The following TSPAN14 variants were observed in gnomAD, a reference collection of about 807,000 sequenced individuals.
TSPAN14 encodes tetraspanin 14.
In TSPAN14, 16 loss-of-function variants were observed where a neutral mutation model predicts 36.6. The observed-to-expected ratio is 0.44, with a 90% CI of 0.30 to 0.66. The LOEUF (loss-of-function observed/expected upper bound fraction) is 0.66, where lower values mean the gene tolerates loss of function less well. Among genes scored for constraint, TSPAN14 ranks in the 30% least tolerant of loss-of-function variants. The pLI is 0.12. For synonymous variants in TSPAN14, 139 were observed against 143.8 expected, an observed-to-expected ratio of 0.97 and a Z score of 0.24; for missense variants, 231 against 355.1, an observed-to-expected ratio of 0.65 and a Z score of 2.81.
chr10:80,478,880 A>G (rs751405242), intron 1 of TSPAN14, among the ~76,000 whole-genome samples: 1 of 152,168 alleles, frequency 6.6e-6, no homozygotes, highest in East Asian at 1.9e-4. Context: ...AAATTCCACA[A>G]TGGTTGAACT....
chr10:80,516,435 G>GAAAAAA, intron 8 of TSPAN14, 112 bp downstream of exon 8: 1 of 1,493,856 alleles, frequency 6.7e-7, no homozygotes, highest in South Asian at 1.3e-5. Flanking sequence ...GAAGCTTGCA[G>GAAAAAA]AAGAAAAAAA....
exon 9 of TSPAN14, chr10:80,517,965 C>T: frequency 1.9e-6 from 3 of 1,560,784 alleles, no homozygotes; most frequent in Non-Finnish European, 2.6e-6. Context: ...GAAGGCCGGC[C>T]ATCACTTCTG....
At chr10:80,516,385 A>C (rs1840943241) in intron 8 of TSPAN14, 62 bp downstream of exon 8, 1 of 1,610,242 alleles carries the variant, frequency 6.2e-7, no homozygotes, top group South Asian at 1.1e-5. Context: ...TTGGGCCCTT[A>C]ACATAGAGTG....
intron 1 of TSPAN14, among the ~76,000 whole-genome samples, chr10:80,473,818 T>TG (rs1846701613): frequency 6.6e-6 from 1 of 151,708 alleles, no homozygotes; most frequent in Non-Finnish European, 1.5e-5. Context: ...AATGAGGGAA[T>TG]GGGTCAGGGA....
chr10:80,459,878 G>A (rs1845893156), intron 1 of TSPAN14, among the ~76,000 whole-genome samples: 1 of 152,182 alleles, frequency 6.6e-6, no homozygotes, highest in South Asian at 2.1e-4. Context: ...CCCACCAGCT[G>A]TGCTGAGGGT....
chr10:80,481,184 T>G (rs2131994073), intron 1 of TSPAN14, among the ~76,000 whole-genome samples: 1 of 152,170 alleles, frequency 6.6e-6, no homozygotes, highest in Non-Finnish European at 1.5e-5. Flanking sequence ...TTGAAGAAAC[T>G]CGTGAAGGTG....
At chr10:80,492,583 G>A (rs555525583) in intron 2 of TSPAN14, among the ~76,000 whole-genome samples, 2 of 152,164 alleles carry the variant, frequency 1.3e-5, no homozygotes, top group East Asian at 1.9e-4. Flanking sequence ...TTGGGAGGCC[G>A]AGGCAGGCGG....
chr10:80,510,702 A>G lies in TSPAN14; in HGVS notation c.450+1231A>G, dbSNP rs187016338. Among the ~76,000 whole-genome samples the G allele has an allele frequency of 5.1e-4, 78 of 151,566 alleles. 1 individual carries two copies. The highest frequency in any genetic ancestry group is 1.7e-3 in the African/African-American group (69 of 41,270). On this transcript the variant is annotated intron_variant, in intron 5 of 8. Coordinates refer to ENST00000429989, the Ensembl canonical transcript of TSPAN14. ...ATCCTGGCTAACATGGTGAAACCCC[A>G]TCTCTACTAAAAATACAAAAAATTA... is the stretch of plus-strand genomic sequence containing the variant.
Position 80,509,369 on chromosome 10 carries a change from G to A in TSPAN14, c.348G>A (p.Gln116=). Reference sequence around the variant, plus strand: ...TGGCCGTGCTGGCCTTCCTGTTCCAGGACTGGGTGAGGGACCGGTTCCGGG... The same window carrying A: ...TGGCCGTGCTGGCCTTCCTGTTCCAAGACTGGGTGAGGGACCGGTTCCGGG... Residue 116 remains glutamine, a synonymous_variant, in exon 5 of 9, where the codon CAG becomes CAA. Coordinates refer to ENST00000429989, the Ensembl canonical transcript of TSPAN14. The surrounding 1 kb of genome is among the most constrained non-coding windows in gnomAD (Gnocchi z 4.7). The A allele has an allele frequency of 1.9e-6, 3 of 1,614,156 alleles. No individual in the cohort carries two copies. The highest frequency in any genetic ancestry group is 1.7e-6 in the Non-Finnish European group (2 of 1,180,032).
intron 4 of TSPAN14, among the ~76,000 whole-genome samples, chr10:80,508,133 T>TTTTTTTG (rs1554866118): frequency 2.0e-5 from 3 of 149,562 alleles, no homozygotes; most frequent in South Asian, 4.2e-4. Context: ...TTTTTTTTTT[T>TTTTTTTG]GATACCGAGT....
At chr10:80,467,944 T>C (rs1255125876) in intron 1 of TSPAN14, among the ~76,000 whole-genome samples, 4 of 152,234 alleles carry the variant, frequency 2.6e-5, no homozygotes, top group African/African-American at 9.6e-5. Flanking sequence ...CTTTTAATTT[T>C]ACCTCTTGCC....
intron 1 of TSPAN14, among the ~76,000 whole-genome samples, chr10:80,461,609 G>T (rs1845973035): frequency 6.6e-6 from 1 of 152,064 alleles, no homozygotes; most frequent in South Asian, 2.1e-4. Flanking sequence ...GGGGTGGGGC[G>T]GGCAGGTTTA....
intron 1 of TSPAN14, chr10:80,485,835 G>A: frequency 2.7e-6 from 1 of 365,290 alleles, no homozygotes; most frequent in Non-Finnish European, 3.8e-6. Context: ...TTGAGGATGG[G>A]GGAAAAAGTG....
intron 2 of TSPAN14, among the ~76,000 whole-genome samples, chr10:80,497,384 G>A (rs1486415970): frequency 6.6e-6 from 1 of 152,102 alleles, no homozygotes; most frequent in Non-Finnish European, 1.5e-5. Context: ...CTGGCCTTCC[G>A]CCTGTTTTTA....
chr10:80,486,070 CA>C (rs972446469), intron 1 of TSPAN14, among the ~76,000 whole-genome samples: 25 of 152,228 alleles, frequency 1.6e-4, no homozygotes, highest in African/African-American at 5.3e-4. Context: ...TTGATGTTAC[CA>C]GGGGGGAAGT....
At chr10:80,479,676 T>C (rs1236417467) in intron 1 of TSPAN14, among the ~76,000 whole-genome samples, 1 of 152,238 alleles carries the variant, frequency 6.6e-6, no homozygotes, top group Non-Finnish European at 1.5e-5. Context: ...GCCAGTACCA[T>C]GCTGTTTTGG....
chr10:80,496,398 C>T (rs1216602242), intron 2 of TSPAN14, among the ~76,000 whole-genome samples: 2 of 152,168 alleles, frequency 1.3e-5, no homozygotes, highest in Admixed American at 6.5e-5. Context: ...GTGTCTCCTC[C>T]CACCTCCAGG....
intron 1 of TSPAN14, among the ~76,000 whole-genome samples, chr10:80,484,971 C>T (rs556239872): frequency 7.2e-5 from 11 of 152,286 alleles, no homozygotes; most frequent in African/African-American, 2.6e-4. Flanking sequence ...AACAATTCTC[C>T]CTTTGCCCTG....
chr10:80,510,347 T>G (rs1840546853), intron 5 of TSPAN14, among the ~76,000 whole-genome samples: 1 of 152,212 alleles, frequency 6.6e-6, no homozygotes, highest in African/African-American at 2.4e-5. Context: ...CAAAACCCAT[T>G]TATGGGACCA....
Sources: gnomAD v4.1 joint callset for allele counts (sites outside exome capture counted in the v4.1 genomes callset) on GRCh38, gnomAD v4.1.1 for gene constraint, Gnocchi (gnomAD v3.1) non-coding constraint, MANE v1.5 for transcripts, NCBI Gene and HGNC (gene_info 2026-07-23, HGNC 2026-07-21) for gene names.